The following PER2 variants were observed in gnomAD, a reference collection of about 807,000 sequenced individuals.
PER2 encodes the protein period circadian protein homolog 2.
In PER2, 66 loss-of-function variants were observed where a neutral mutation model predicts 121.0. That is an observed-to-expected ratio of 0.55 (90% CI 0.45 to 0.67). PER2 has a LOEUF of 0.67. Among genes scored for constraint, PER2 ranks in the 30% least tolerant of loss-of-function variants. PER2 has a pLI of 0.00. For synonymous variants in PER2, 684 were observed against 659.9 expected (o/e 1.04, Z -0.56); for missense variants, 1,521 against 1,635.0 (o/e 0.93, Z 1.20).
chr2:238,267,720 G>A (rs1696152462), intron 8 of PER2, among the ~76,000 whole-genome samples: 1 of 152,200 alleles, frequency 6.6e-6, no homozygotes. Context: ...AGGATGGGAA[G>A]GATGTAGGGC....
chr2:238,251,754 T>C lies in PER2; in HGVS notation c.3119A>G (p.Glu1040Gly), dbSNP rs1369162991. 7 of 1,597,414 alleles carry C rather than the reference T, an allele frequency of 4.4e-6. No homozygotes were observed. The Admixed American group carries it at 1.0e-4, about 23-fold the overall frequency. The change falls in exon 20 of 23, where the codon GAA becomes GGA. Residue 1040 changes from glutamate (E) to glycine (G), a missense_variant. Physicochemically the swap from Glu to Gly is moderately conservative, Grantham distance 98 (BLOSUM62 -2). Coordinates refer to ENST00000254657, the MANE Select transcript of PER2 (RefSeq NM_022817.3). ...QQPKAPLTRD[E>G]PSDTQNSDAL... ...GTCACTGTTCTGTGTGTCTGAGGGT[T>C]CATCACGCTTTAGGGACAGGAAGCA...
chr2:238,293,211 C>T (rs956528120), upstream of PER2, among the ~76,000 whole-genome samples: 8 of 152,086 alleles, frequency 5.3e-5, no homozygotes, highest in East Asian at 1.3e-3. Context: ...TCTGTATAGA[C>T]TTGTTTACTT....
chr2:238,291,452 T>C (rs1001095719), upstream of PER2, among the ~76,000 whole-genome samples: 2 of 152,236 alleles, frequency 1.3e-5, no homozygotes, highest in South Asian at 2.1e-4. Context: ...ACTGTGCTGA[T>C]CACTGCTTCC....
At chr2:238,281,259 C>T (rs924951505) in intron 1 of PER2, among the ~76,000 whole-genome samples, 1 of 152,144 alleles carries the variant, frequency 6.6e-6, no homozygotes, top group Non-Finnish European at 1.5e-5. Flanking sequence ...ACCTCGGCCT[C>T]CCAAAGTGCT....
upstream of PER2, among the ~76,000 whole-genome samples, chr2:238,292,273 C>T (rs1189230672): frequency 1.3e-5 from 2 of 152,242 alleles, no homozygotes; most frequent in Non-Finnish European, 2.9e-5. Context: ...TTAGGGGAGA[C>T]ATGTGGGTGT....
intron 17 of PER2, among the ~76,000 whole-genome samples, chr2:238,256,339 G>A (rs976137051): frequency 5.1e-4 from 78 of 152,306 alleles, no homozygotes; most frequent in African/African-American, 1.6e-3. Flanking sequence ...CAGGGCCACT[G>A]ACCATCCTGA....
At position 238,268,585 on chromosome 2, in the gene PER2, C is replaced by T. The variant is rs887771597; in HGVS notation, c.824+338G>A. 5.9e-5 allele frequency among the ~76,000 whole-genome samples: 9 copies of T among 152,316 alleles called. 2 individuals carry two copies. The highest frequency in any genetic ancestry group is 1.3e-4 in the Admixed American group (2 of 15,310). Reference sequence around the variant, plus strand: ...CCCTGGTTTGGACCAAGACCCTTGTCGGGAAAGCTACGGGTCTCTCCCCAG... The same window carrying T: ...CCCTGGTTTGGACCAAGACCCTTGTTGGGAAAGCTACGGGTCTCTCCCCAG... On this transcript the variant is annotated intron_variant, in intron 7 of 22. Coordinates refer to ENST00000254657, the MANE Select transcript of PER2 (RefSeq NM_022817.3). The surrounding 1 kb of genome is among the most constrained non-coding windows in gnomAD (Gnocchi z 4.0).
chr2:238,252,085 A>C lies in PER2; in HGVS notation c.3112-324T>G, dbSNP rs1017606667. On this transcript the variant is annotated intron_variant, in intron 19 of 22. Coordinates refer to ENST00000254657, the MANE Select transcript of PER2 (RefSeq NM_022817.3). The surrounding 1 kb of genome is among the most constrained non-coding windows in gnomAD (Gnocchi z 4.2). ...ACAGCCCCCTCCTCACATGCAGCAG[A>C]CATGGATGGGGAAAACGCCTCTCAC... Among the ~76,000 whole-genome samples the C allele has an allele frequency of 2.3e-4, 35 of 152,184 alleles. No individual in the cohort carries two copies. The highest frequency in any genetic ancestry group is 7.5e-4 in the African/African-American group (31 of 41,452).
chr2:238,260,819 G>C lies in PER2; in HGVS notation c.1542+9C>G. On this transcript the variant is annotated intron_variant, in intron 13 of 22. Coordinates refer to ENST00000254657, the MANE Select transcript of PER2 (RefSeq NM_022817.3). The stretch of plus-strand genomic sequence containing the variant: ...CTCATTTTCTCAGGGAGAATGGAAG[G>C]AGACGTACGGCTCTCCTCCGGCGTG... The C allele has an allele frequency of 6.2e-7, 1 of 1,614,118 alleles. No homozygotes were observed. The highest frequency in any genetic ancestry group is 1.3e-5 in the African/African-American group (1 of 75,066).
intron 20 of PER2, among the ~76,000 whole-genome samples, chr2:238,251,227 C>A (rs1006057724): frequency 6.6e-6 from 1 of 152,220 alleles, no homozygotes; most frequent in Non-Finnish European, 1.5e-5. Context: ...GATTCCAGAT[C>A]ACATGTGAAA....
Position 238,253,166 on chromosome 2 carries a change from T to C in PER2, c.2857A>G (p.Thr953Ala). The change falls in exon 19 of 23, where the codon ACC becomes GCC. Residue 953 changes from threonine (T) to alanine (A), a missense_variant. By Grantham distance (58) the Thr-to-Ala change is moderately conservative (BLOSUM62 0). Coordinates refer to ENST00000254657, the MANE Select transcript of PER2 (RefSeq NM_022817.3). This position sits in a 1 kb window ranked among gnomAD's most constrained non-coding sequence, Gnocchi z 5.6. ...GCACATGGCTGTCTGGGGATCGAGG[T>C]CCGGCTGGGGAACTCAGGCTGTGAG... ...SASQPEFPSR[T>A]SIPRQPCACP... 2 of 1,592,756 alleles carry C rather than the reference T, an allele frequency of 1.3e-6. No homozygotes were observed. Among genetic ancestry groups the C allele is most frequent in the Non-Finnish European group, 1.7e-6 (2 of 1,166,738 alleles).
At chr2:238,260,222 A>G (rs1574846276) in intron 13 of PER2, among the ~76,000 whole-genome samples, 169 bp from the exon 14 acceptor site, 1 of 152,204 alleles carries the variant, frequency 6.6e-6, no homozygotes, top group Middle Eastern at 3.4e-3. Context: ...TGATGATCCT[A>G]AAGAATAATA....
intron 12 of PER2, among the ~76,000 whole-genome samples, 182 bp from the exon 13 acceptor site, chr2:238,261,135 C>T (rs1457835057): frequency 6.6e-6 from 1 of 152,260 alleles, no homozygotes; most frequent in Non-Finnish European, 1.5e-5. Flanking sequence ...TCCTGGCCTC[C>T]AGCCGCGGTG....
In PER2 at chr2:238,268,972, A is replaced by C; in HGVS notation, c.775T>G (p.Ser259Ala). The change falls in exon 7 of 23, where the codon TCT (serine) becomes GCT (alanine). Residue 259 changes from serine to alanine, a missense_variant and splice_region_variant. Ser to Ala is a moderately conservative substitution (Grantham distance 99, BLOSUM62 1). Transcript: ENST00000254657. This position sits in a 1 kb window ranked among gnomAD's most constrained non-coding sequence, Gnocchi z 4.0. ...TCCTCCATGCATTCTTGAGTAAAAG[A>C]ATCTAAAAGAGAGAGCCCAAAGTCA... ...PLWSMCSGAD[S>A]FTQECMEEKS... The C allele has an allele frequency of 1.2e-6, 2 of 1,610,734 alleles. No individual in the cohort carries two copies. The highest frequency in any genetic ancestry group is 1.7e-6 in the Non-Finnish European group (2 of 1,176,818).
rs1216544715 is a variant in PER2, at chr2:238,250,716, T to G, written c.3302A>C (p.Lys1101Thr). 7 of 1,613,818 alleles carry G rather than the reference T, an allele frequency of 4.3e-6. No individual in the cohort carries two copies. Among genetic ancestry groups the G allele is most frequent in the Non-Finnish European group, 5.9e-6 (7 of 1,179,766 alleles). Residue 1101 changes from lysine (K) to threonine (T), a missense_variant, in exon 21 of 23, where the codon AAA (lysine) becomes ACA (threonine). Transcript: ENST00000254657. ...AGSSDTSHTS[K>T]YFGSIDSSEN... ...TGAGGAGTCAATGCTTCCAAAATAT[T>G]TGCTGGTATGACTTGTGTCACTACT...
rs572992915 is a variant in PER2 at position 238,251,757 on chromosome 2, T to C, written c.3116A>G (p.Asp1039Gly). The C allele has an allele frequency of 8.8e-5, 139 of 1,583,424 alleles. 1 individual carries two copies. Among genetic ancestry groups the C allele is most frequent in the South Asian group, 3.7e-4 (34 of 90,712 alleles). Residue 1039 changes from aspartate (D) to glycine (G), a missense_variant, in exon 20 of 23, where the codon GAT becomes GGT. Asp to Gly is a moderately conservative substitution (Grantham distance 94). Coordinates refer to ENST00000254657, the MANE Select transcript of PER2 (RefSeq NM_022817.3). Reference sequence around the variant, plus strand: ...ACTGTTCTGTGTGTCTGAGGGTTCATCACGCTTTAGGGACAGGAAGCAGAT... The same window carrying C: ...ACTGTTCTGTGTGTCTGAGGGTTCACCACGCTTTAGGGACAGGAAGCAGAT... ...DQQPKAPLTR[D>G]EPSDTQNSDA... is the part of the protein sequence containing the mutation.
At chr2:238,254,631 C>T (rs1485312438) in intron 18 of PER2, 2 of 152,390 alleles carry the variant, frequency 1.3e-5, no homozygotes, top group Non-Finnish European at 2.9e-5. Context: ...CAGGGCTGCC[C>T]TAGGCAGCTC....
chr2:238,294,544 C>T (rs543818912), upstream of PER2, among the ~76,000 whole-genome samples: 6 of 152,340 alleles, frequency 3.9e-5, no homozygotes, highest in African/African-American at 1.4e-4. Flanking sequence ...GTTTAGGCAT[C>T]ACGCTTGGCG....
intron 4 of PER2, among the ~76,000 whole-genome samples, chr2:238,273,802 G>C (rs1196475019): frequency 6.6e-6 from 1 of 152,146 alleles, no homozygotes; most frequent in Non-Finnish European, 1.5e-5. Context: ...CTAGTAGCTG[G>C]GACTACAGGC....
Sources: gnomAD v4.1 joint callset for allele counts (sites outside exome capture counted in the v4.1 genomes callset) on GRCh38, gnomAD v4.1.1 for gene constraint, Gnocchi (gnomAD v3.1) non-coding constraint, MANE v1.5 for transcripts, NCBI Gene and HGNC (gene_info 2026-07-23, HGNC 2026-07-21) for gene names.